The following ZDHHC11 variants were observed in gnomAD, a reference collection of about 807,000 sequenced individuals.
ZDHHC11 encodes zDHHC palmitoyltransferase 11.
A neutral mutation model predicts 51.3 loss-of-function variants in ZDHHC11; 44 were observed. The ratio of observed to expected loss-of-function variants is 0.86; its 90% CI spans 0.67 to 1.10. The LOEUF is 1.10. Ranked by LOEUF, ZDHHC11 falls within the 50% of genes least tolerant of loss-of-function variation. ZDHHC11 has a pLI of 0.00. For synonymous variants in ZDHHC11, 163 were observed against 222.0 expected, an observed-to-expected ratio of 0.73 and a Z score of 2.36; for missense variants, 400 against 537.7, an observed-to-expected ratio of 0.74 and a Z score of 2.53.
chr5:803,502 CCA>C (rs1264776109), intron 11 of ZDHHC11, among the ~76,000 whole-genome samples: 2 of 151,272 alleles, frequency 1.3e-5, no homozygotes, highest in Non-Finnish European at 3.0e-5. Context: ...AAGAGAAAAT[CCA>C]CAGTCCCAGA....
Position 848,639 on chromosome 5 carries a change from A to G in ZDHHC11, c.244T>C (p.Phe82Leu), listed in dbSNP as rs377328224. The change falls in exon 2 of 13, where the codon TTC becomes CTC. Residue 82 changes from phenylalanine (F) to leucine (L), a missense_variant. Around this residue, in one of 5 missense-constraint regions of ZDHHC11, gnomAD observed 22 missense variants for 81.0 expected, o/e 0.27. Coordinates refer to ENST00000283441, the MANE Select transcript of ZDHHC11 (RefSeq NM_024786.3). ...AYVVTGGIFS[F>L]HLVVHLIASC... Reference sequence around the variant, plus strand: ...GCGATCAGGTGGACGACGAGGTGGAACGAGAAGATCCCCCCGGTCACCTGG... The same window carrying G: ...GCGATCAGGTGGACGACGAGGTGGAGCGAGAAGATCCCCCCGGTCACCTGG... The G allele has an allele frequency of 5.4e-5, 85 of 1,565,054 alleles. 3 individuals carry two copies. In the African/African-American group the frequency reaches 1.0e-3, roughly 18 times the overall value.
intron 7 of ZDHHC11, among the ~76,000 whole-genome samples, chr5:829,860 C>T (rs378807): frequency 6.6e-6 from 1 of 151,022 alleles, no homozygotes; most frequent in East Asian, 1.9e-4. Context: ...AAATGTGATA[C>T]CTCACATAAA....
chr5:855,584 C>T (rs1245228057), upstream of ZDHHC11, among the ~76,000 whole-genome samples: 2 of 149,320 alleles, frequency 1.3e-5, no homozygotes, highest in Non-Finnish European at 1.5e-5. Context: ...GGGGACAGAC[C>T]GCACAGAGGA....
intron 6 of ZDHHC11, among the ~76,000 whole-genome samples, chr5:834,392 C>A (rs1382488097): frequency 6.6e-6 from 1 of 152,298 alleles, no homozygotes; most frequent in Non-Finnish European, 1.5e-5. Flanking sequence ...TCAGGCTGGT[C>A]TTGAACTCCT....
chr5:832,911 C>T (rs1286657358), intron 7 of ZDHHC11, among the ~76,000 whole-genome samples: 2 of 151,506 alleles, frequency 1.3e-5, no homozygotes, highest in African/African-American at 4.8e-5. Context: ...AAGTCCACAA[C>T]CTCTACACTG....
At chr5:800,497 T>C (rs1478585496) in intron 12 of ZDHHC11, among the ~76,000 whole-genome samples, 1 of 151,152 alleles carries the variant, frequency 6.6e-6, no homozygotes, top group Non-Finnish European at 1.5e-5. Flanking sequence ...AGGGAGAGCA[T>C]GCCCCTCTGT....
intron 7 of ZDHHC11, among the ~76,000 whole-genome samples, chr5:830,007 T>C (rs1019261216): frequency 6.7e-6 from 1 of 149,508 alleles, no homozygotes; most frequent in Non-Finnish European, 1.5e-5. Context: ...AAAAGCCCTC[T>C]ATGACAAACC....
In ZDHHC11 at chr5:795,961, GCCCATTTCCCAGTACTGTGCT is replaced by G. The variant is rs1737515134; in HGVS notation, c.*606_*626del. 6.9e-6 allele frequency: 1 copy of G among 144,894 alleles called. No individual in the cohort carries two copies. Among genetic ancestry groups the G allele is most frequent in the African/African-American group, 2.6e-5 (1 of 38,150 alleles). The allele number at this position is 144,894 out of a possible 1,614,324, so 9.0% of individuals were successfully genotyped here. A position where few individuals can be genotyped will look rare whatever the true frequency, so the allele number is the denominator to read the frequency against. ...GTGCTCCCATTTCTCAGTACTGTAT[GCCCATTTCCCAGTACTGTGCT>G]CCCATTTCTCAGTAGTGTACTCCCA... On this transcript the variant is annotated 3_prime_UTR_variant, in exon 13 of 13. Transcript: ENST00000283441.
intron 7 of ZDHHC11, among the ~76,000 whole-genome samples, chr5:829,631 T>C (rs1292413966): frequency 6.6e-5 from 10 of 151,488 alleles, no homozygotes; most frequent in Non-Finnish European, 1.3e-4. Context: ...CGTCCATAAA[T>C]CATTCCATGA....
intron 6 of ZDHHC11, among the ~76,000 whole-genome samples, chr5:835,570 A>G (rs1490570989): frequency 2.0e-5 from 3 of 151,998 alleles, no homozygotes; most frequent in African/African-American, 7.3e-5. Context: ...TGGCTAGTAC[A>G]GTAGCCTAGG....
chr5:829,603 A>G (rs1160463553), intron 7 of ZDHHC11, among the ~76,000 whole-genome samples: 1 of 151,476 alleles, frequency 6.6e-6, no homozygotes, highest in Non-Finnish European at 1.5e-5. Context: ...AAACTATTAC[A>G]AAAGATAAAG....
At chr5:799,130 T>C (rs945290698) in intron 12 of ZDHHC11, among the ~76,000 whole-genome samples, 155 of 151,968 alleles carry the variant, frequency 1.0e-3, no homozygotes, top group Non-Finnish European at 1.8e-3. Flanking sequence ...CGTGTTTGTG[T>C]CATGGGGCTG....
rs535460128 is a variant in ZDHHC11 at position 817,416 on chromosome 5, G to A, written c.1146+2109C>T. Among the ~76,000 whole-genome samples, 12 of 151,422 alleles carry A rather than the reference G, an allele frequency of 7.9e-5. 1 individual carries two copies. The highest frequency in any genetic ancestry group is 6.3e-4 in the South Asian group (3 of 4,786). On this transcript the variant is annotated intron_variant, in intron 10 of 12. Transcript: ENST00000283441. ...AAGAATTCAGGACACAACTCCTTCC[G>A]TATGACAGCTTTCCTTCACACACTA...
At chr5:860,355 T>C (rs1748730149), upstream of ZDHHC11, among the ~76,000 whole-genome samples, 1 of 152,110 alleles carries the variant, frequency 6.6e-6, no homozygotes, top group Admixed American at 6.6e-5. This position sits in a 1 kb window ranked among gnomAD's most constrained non-coding sequence, Gnocchi z 4.2. Context: ...TTCCAAAGGT[T>C]TTCTTGCCAA....
chr5:843,818 G>A (rs1370939923), intron 3 of ZDHHC11, 94 bp from the exon 4 acceptor site: 1 of 90,640 alleles, frequency 1.1e-5, no homozygotes, highest in Non-Finnish European at 1.7e-5. Context: ...CAGGGGGTGT[G>A]CACGGGGTGG....
intron 11 of ZDHHC11, among the ~76,000 whole-genome samples, chr5:802,973 A>ATT (rs1561228615): frequency 6.8e-6 from 1 of 147,272 alleles, no homozygotes; most frequent in Non-Finnish European, 1.5e-5. Flanking sequence ...GTGAGCAGAG[A>ATT]TTGTGCCACT....
In ZDHHC11 at chr5:857,762, T is replaced by TC. The variant is rs201342526; in HGVS notation, c.-1+1111dup. The stretch of plus-strand genomic sequence containing the variant: ...CCGTCCTGTCTTTATGACACCGTGG[T>TC]CCCCCGAGTCTGTCCCGGTCCCCAT... On this transcript the variant is annotated intron_variant, in intron 1 of 3. Coordinates refer to the ZDHHC11 transcript ENST00000685990. Among the ~76,000 whole-genome samples, 674 of 130,430 alleles carry TC rather than the reference T, an allele frequency of 5.2e-3. 16 individuals carry two copies. In the East Asian group the frequency reaches 0.074, roughly 14 times the overall value. The allele number at this position is 130,430 out of a possible 152,430, so 85.6% of individuals were successfully genotyped here.
chr5:837,485 A>G lies in ZDHHC11; in HGVS notation c.785-5T>C. The stretch of plus-strand genomic sequence containing the variant: ...AGGTGGTCATCTTCTTGGCCTCTGG[A>G]AAGGGAAAAGGAGGAACAGGACAAG... On this transcript the variant is annotated splice_polypyrimidine_tract_variant and splice_region_variant and intron_variant, in intron 5 of 12. Coordinates refer to ENST00000283441, the MANE Select transcript of ZDHHC11 (RefSeq NM_024786.3). 1 of 1,607,268 alleles carries G rather than the reference A, an allele frequency of 6.2e-7. No homozygotes were observed. Among genetic ancestry groups the G allele is most frequent in the South Asian group, 1.1e-5 (1 of 90,942 alleles).
Position 817,387 on chromosome 5 carries a change from C to T in ZDHHC11, c.1146+2138G>A, listed in dbSNP as rs181897105. The stretch of plus-strand genomic sequence containing the variant: ...CAATTCATATTTCCATATGTGTTTC[C>T]TTGAAGAATTCAGGACACAACTCCT... On this transcript the variant is annotated intron_variant, in intron 10 of 12. Coordinates refer to ENST00000283441, the MANE Select transcript of ZDHHC11 (RefSeq NM_024786.3). Among the ~76,000 whole-genome samples the T allele has an allele frequency of 2.0e-3, 299 of 151,388 alleles. 15 individuals carry two copies. Among genetic ancestry groups the T allele is most frequent in the Non-Finnish European group, 3.6e-3 (246 of 67,660 alleles).
Sources: gnomAD v4.1 joint callset for allele counts (sites outside exome capture counted in the v4.1 genomes callset) on GRCh38, gnomAD v4.1.1 for gene constraint, gnomAD v4.1.1 regional missense constraint, Gnocchi (gnomAD v3.1) non-coding constraint, MANE v1.5 for transcripts, NCBI Gene and HGNC (gene_info 2026-07-23, HGNC 2026-07-21) for gene names.